The following DOCK5 variants were observed in gnomAD, a reference collection of about 807,000 sequenced individuals.
The protein encoded by DOCK5 is dedicator of cytokinesis 5, also known as dedicator of cytokinesis protein 5.
Under a neutral mutation model 251.8 loss-of-function variants are expected in DOCK5, and 142 were observed. That is an observed-to-expected ratio of 0.56 (90% CI 0.49 to 0.65). The LOEUF (loss-of-function observed/expected upper bound fraction) is 0.65. Ranked by LOEUF, DOCK5 falls within the 30% of genes least tolerant of loss-of-function variation. The pLI is 0.00. For missense variants in DOCK5, 2,111 were observed against 2,312.3 expected (o/e 0.91, Z 1.79); for synonymous variants, 842 against 835.5 (o/e 1.01, Z -0.13).
chr8:25,358,586 A>T (rs1800619597), intron 27 of DOCK5, among the ~76,000 whole-genome samples: 2 of 152,004 alleles, frequency 1.3e-5, no homozygotes, highest in Non-Finnish European at 2.9e-5. Context: ...CCCCGTTAAG[A>T]TTTGTTTAAC....
At chr8:25,323,731 G>A in intron 16 of DOCK5, 117 bp from the exon 17 acceptor site, 1 of 1,158,608 alleles carries the variant, frequency 8.6e-7, no homozygotes, top group Non-Finnish European at 1.3e-6. Context: ...TTGCTCAGTT[G>A]TGCTTATTAG....
intron 1 of DOCK5, among the ~76,000 whole-genome samples, chr8:25,187,272 CATATATGT>C (rs1027414709): frequency 2.1e-5 from 3 of 145,134 alleles, no homozygotes; most frequent in Non-Finnish European, 4.5e-5. Flanking sequence ...TATACACACA[CATATATGT>C]ATATATGTAT....
In DOCK5 at chr8:25,334,127, A is replaced by G. The variant is rs550974413; in HGVS notation, c.2123A>G (p.Lys708Arg). ...VFIISLIGDIKFQHFNPVLET... is the reference protein window; with the variant it reads ...VFIISLIGDIRFQHFNPVLET... Reference sequence around the variant, plus strand: ...ATTATTTCACTGATAGGAGACATCAAGTTCCAGCATTTTAATCCTGTACTT... The same window carrying G: ...ATTATTTCACTGATAGGAGACATCAGGTTCCAGCATTTTAATCCTGTACTT... The change falls in exon 21 of 52, where the codon AAG becomes AGG. Residue 708 changes from lysine (K) to arginine (R), a missense_variant. By Grantham distance (26) the Lys-to-Arg change is conservative (BLOSUM62 2). Transcript: ENST00000276440. 2.5e-6 allele frequency: 4 copies of G among 1,613,932 alleles called. No homozygotes were observed. The South Asian group carries it at 3.3e-5, about 13-fold the overall frequency.
intron 27 of DOCK5, among the ~76,000 whole-genome samples, chr8:25,357,602 T>C (rs1021828368): frequency 4.6e-5 from 7 of 152,030 alleles, no homozygotes; most frequent in Admixed American, 1.3e-4. Context: ...GGTCTCAAAC[T>C]CCTGACCTCA....
chr8:25,198,589 A>G (rs1433444706), intron 1 of DOCK5, among the ~76,000 whole-genome samples: 2 of 152,020 alleles, frequency 1.3e-5, no homozygotes. Context: ...AAAAAATACT[A>G]AGTCATAAAT....
intron 28 of DOCK5, 25 bp from the exon 29 acceptor site, chr8:25,363,022 C>G: frequency 6.3e-7 from 1 of 1,597,930 alleles, no homozygotes; most frequent in African/African-American, 1.3e-5. Context: ...CAGTTTTCCC[C>G]CAACCACTCC....
intron 9 of DOCK5, among the ~76,000 whole-genome samples, chr8:25,301,583 G>A (rs1042662793): frequency 6.6e-6 from 1 of 151,848 alleles, no homozygotes; most frequent in Non-Finnish European, 1.5e-5. Flanking sequence ...AACAAATAAT[G>A]GCTGGGCGCG....
chr8:25,267,586 T>C (rs991665004), intron 2 of DOCK5, among the ~76,000 whole-genome samples: 3 of 152,208 alleles, frequency 2.0e-5, no homozygotes, highest in African/African-American at 7.2e-5. Context: ...ACTGTGTATA[T>C]ATGGCTACCT....
chr8:25,226,029 G>A (rs7844133), intron 1 of DOCK5, among the ~76,000 whole-genome samples: 2,205 of 151,948 alleles, frequency 0.015, 55 homozygotes, highest in African/African-American at 0.05. Context: ...GCTTTAAGAT[G>A]GTGAATGTTA....
chr8:25,229,228 T>A (rs1802608196), intron 1 of DOCK5, among the ~76,000 whole-genome samples: 1 of 152,166 alleles, frequency 6.6e-6, no homozygotes, highest in African/African-American at 2.4e-5. Flanking sequence ...ACGTCTGTAA[T>A]CGCAGCACTT....
intron 45 of DOCK5, among the ~76,000 whole-genome samples, chr8:25,398,199 T>C (rs902580236): frequency 2.6e-5 from 4 of 152,216 alleles, no homozygotes; most frequent in African/African-American, 9.6e-5. Flanking sequence ...CTTTGGGAAT[T>C]TCCATGTGTC....
chr8:25,234,900 C>T (rs1199640910), intron 1 of DOCK5, among the ~76,000 whole-genome samples: 2 of 152,216 alleles, frequency 1.3e-5, no homozygotes, highest in Admixed American at 1.3e-4. Context: ...TTGACCTCTC[C>T]AGTCCTTCCT....
chr8:25,411,309 C>G lies in DOCK5; in HGVS notation c.*11C>G. ...CCTGGATCCCAGTAAGGATCTTGCC[C>G]TCCCTGCAACACCGAGTGCCTTAGA... On this transcript the variant is annotated 3_prime_UTR_variant, in exon 52 of 52. Coordinates refer to ENST00000276440, the MANE Select transcript of DOCK5 (RefSeq NM_024940.8). 6.8e-7 allele frequency: 1 copy of G among 1,478,602 alleles called. No individual in the cohort carries two copies. The highest frequency in any genetic ancestry group is 8.9e-7 in the Non-Finnish European group (1 of 1,117,578). 91.6% of individuals were successfully genotyped at this position (1,478,602 alleles called of 1,614,324 possible).
chr8:25,326,996 A>T (rs1261724651), intron 18 of DOCK5, among the ~76,000 whole-genome samples: 1 of 152,220 alleles, frequency 6.6e-6, no homozygotes, highest in East Asian at 1.9e-4. Context: ...AGCAACCTGC[A>T]GGCAGATTGC....
chr8:25,292,541 T>C (rs990717352), intron 6 of DOCK5, among the ~76,000 whole-genome samples: 3 of 152,122 alleles, frequency 2.0e-5, no homozygotes, highest in Admixed American at 6.5e-5. Flanking sequence ...TTGAGCCCAG[T>C]AGTTTGGAAC....
rs186587300 is a variant in DOCK5 at position 25,217,031 on chromosome 8, A to T, written c.44-26643A>T. 2.7e-5 allele frequency among the ~76,000 whole-genome samples: 4 copies of T among 146,062 alleles called. No homozygotes were observed. The East Asian group carries it at 8.0e-4, about 29-fold the overall frequency. ...GTGTATACAATATGTATAGATGTAT[A>T]CAATATGTGTATACATGTATAGATG... On this transcript the variant is annotated intron_variant, in intron 1 of 51. Transcript: ENST00000276440.
At position 25,380,381 on chromosome 8, in the gene DOCK5, T is replaced by C; in HGVS notation, c.4013T>C (p.Leu1338Pro). ...YESKVFDYEG[L>P]GNLLKKRASF... ...AGCAAAGTATTTGACTACGAGGGCC[T>C]TGGCAACCTCCTGGTGAGTCTGGGT... Residue 1338 changes from leucine (L) to proline (P), a missense_variant, in exon 39 of 52, where the codon CTT becomes CCT. By Grantham distance (98) the Leu-to-Pro change is moderately conservative. Coordinates refer to ENST00000276440, the MANE Select transcript of DOCK5 (RefSeq NM_024940.8). 1 of 1,609,286 alleles carries C rather than the reference T, an allele frequency of 6.2e-7. No individual in the cohort carries two copies. Among genetic ancestry groups the C allele is most frequent in the Non-Finnish European group, 8.5e-7 (1 of 1,177,668 alleles).
intron 30 of DOCK5, among the ~76,000 whole-genome samples, chr8:25,366,292 ACCAGCCTGG>A (rs1268294864): frequency 6.6e-6 from 1 of 152,148 alleles, no homozygotes; most frequent in African/African-American, 2.4e-5. Context: ...GGAGTTTAAG[ACCAGCCTGG>A]CCAACATGGC....
chr8:25,297,158 A>G (rs1055396075), intron 7 of DOCK5, among the ~76,000 whole-genome samples: 1 of 151,908 alleles, frequency 6.6e-6, no homozygotes, highest in Admixed American at 6.6e-5. Context: ...GCAGTGGTGC[A>G]GTCTCAGCTC....
Sources: allele counts gnomAD v4.1 joint callset (sites outside exome capture counted in the v4.1 genomes callset), GRCh38; gene constraint gnomAD v4.1.1; transcripts MANE v1.5; gene names NCBI Gene and HGNC (gene_info 2026-07-23, HGNC 2026-07-21).